Variants in FAT3 observed in about 807,000 individuals in gnomAD.
FAT3 encodes the protein protocadherin Fat 3.
A neutral mutation model predicts 310.2 loss-of-function variants in FAT3; 95 were observed. That is an observed-to-expected ratio of 0.31 (90% CI 0.26 to 0.36). The LOEUF (loss-of-function observed/expected upper bound fraction) is 0.36. FAT3 is among the 10% of genes least tolerant of loss of function. The probability of loss-of-function intolerance (pLI) is 1.00; values close to 1 mark genes in which losing one functional copy is unlikely to be tolerated. For missense variants in FAT3, 5,408 were observed against 5,715.6 expected (o/e 0.95, Z 1.74); for synonymous variants, 2,314 against 2,192.9 (o/e 1.06, Z -1.54).
intron 20 of FAT3, 128 bp downstream of exon 20, chr11:92,857,476 T>C (rs1312950359): frequency 6.4e-6 from 8 of 1,248,488 alleles, no homozygotes; most frequent in African/African-American, 3.0e-5. Flanking sequence ...TCCTTTAGAA[T>C]GGACCACAGC....
intron 18 of FAT3, among the ~76,000 whole-genome samples, 185 bp from the exon 19 acceptor site, chr11:92,843,749 G>C (rs1948605174): frequency 6.6e-6 from 1 of 152,128 alleles, no homozygotes. Context: ...GTACATATGG[G>C]GATAGAAGGT....
At chr11:92,627,065 A>T (rs1448379007) in intron 3 of FAT3, among the ~76,000 whole-genome samples, 1 of 152,232 alleles carries the variant, frequency 6.6e-6, no homozygotes, top group Admixed American at 6.5e-5. Context: ...CCCATTTATT[A>T]GTTATGAGTA....
intron 2 of FAT3, among the ~76,000 whole-genome samples, chr11:92,514,037 T>C (rs1953395091): frequency 6.6e-6 from 1 of 152,204 alleles, no homozygotes; most frequent in Admixed American, 6.6e-5. Flanking sequence ...AACAGCTTTA[T>C]ATATTTCCCC....
chr11:92,479,535 A>T (rs1406792750), intron 2 of FAT3, among the ~76,000 whole-genome samples: 2 of 152,230 alleles, frequency 1.3e-5, no homozygotes, highest in Non-Finnish European at 2.9e-5. Context: ...TGATAAAATC[A>T]TGCAGGCCTT....
intron 2 of FAT3, among the ~76,000 whole-genome samples, chr11:92,477,938 A>G (rs1310187618): frequency 6.6e-6 from 1 of 152,210 alleles, no homozygotes; most frequent in African/African-American, 2.4e-5. Flanking sequence ...GTTAGAAGTC[A>G]GTAATACTGT....
intron 2 of FAT3, among the ~76,000 whole-genome samples, chr11:92,379,145 C>G (rs1591196635): frequency 1.3e-5 from 2 of 152,268 alleles, no homozygotes; most frequent in East Asian, 3.9e-4. Context: ...TAAAAATATT[C>G]TGTTTTCCTC....
At chr11:92,782,335 C>T (rs1310198885) in intron 7 of FAT3, among the ~76,000 whole-genome samples, 1 of 151,918 alleles carries the variant, frequency 6.6e-6, no homozygotes, top group Non-Finnish European at 1.5e-5. Flanking sequence ...AGGGGTCATG[C>T]TTATAATCCC....
intron 4 of FAT3, among the ~76,000 whole-genome samples, chr11:92,735,900 A>G (rs1232818409): frequency 1.3e-5 from 2 of 152,128 alleles, no homozygotes; most frequent in African/African-American, 2.4e-5. Context: ...ATTTAATTCT[A>G]GTAACATCTC....
chr11:92,271,806 T>G (rs896196161), intron 1 of FAT3, among the ~76,000 whole-genome samples: 3 of 152,200 alleles, frequency 2.0e-5, no homozygotes, highest in Non-Finnish European at 4.4e-5. Context: ...TGCTGCCAGA[T>G]CCCATCAATC....
At chr11:92,859,112 G>A (rs1409250032) in intron 20 of FAT3, 53 bp from the exon 21 acceptor site, 2 of 1,557,192 alleles carry the variant, frequency 1.3e-6, no homozygotes, top group African/African-American at 1.4e-5. Context: ...ATGTGTCTCT[G>A]TTCCTTTCTG....
intron 20 of FAT3, among the ~76,000 whole-genome samples, chr11:92,857,820 A>G (rs1180383489): frequency 6.6e-6 from 1 of 152,078 alleles, no homozygotes; most frequent in Non-Finnish European, 1.5e-5. Context: ...CAGACTCCCT[A>G]CTGGAAATGT....
At chr11:92,266,848 G>T (rs1354606246) in intron 1 of FAT3, among the ~76,000 whole-genome samples, 2 of 152,246 alleles carry the variant, frequency 1.3e-5, no homozygotes, top group East Asian at 3.9e-4. Context: ...GATTTCACCT[G>T]ATGATCTTCA....
chr11:92,601,869 C>T (rs144740625), intron 3 of FAT3, among the ~76,000 whole-genome samples: 2 of 152,182 alleles, frequency 1.3e-5, no homozygotes, highest in African/African-American at 4.8e-5. Context: ...AGCAGTGCAG[C>T]CAGGTCCTGA....
chr11:92,814,311 C>A (rs929748930), intron 13 of FAT3, among the ~76,000 whole-genome samples: 11 of 152,164 alleles, frequency 7.2e-5, no homozygotes, highest in African/African-American at 2.4e-4. Context: ...ACCTTCATAT[C>A]CTGATTTAAG....
chr11:92,613,578 T>C (rs1199669938), intron 3 of FAT3, among the ~76,000 whole-genome samples: 1 of 152,154 alleles, frequency 6.6e-6, no homozygotes, highest in Non-Finnish European at 1.5e-5. Context: ...ACCAACTCTC[T>C]TCTCTCTTTA....
chr11:92,742,631 G>A (rs1270224741), intron 4 of FAT3, among the ~76,000 whole-genome samples: 1 of 152,190 alleles, frequency 6.6e-6, no homozygotes, highest in Non-Finnish European at 1.5e-5. Context: ...GGATAAAAAG[G>A]ATAAGCTATG....
At chr11:92,672,806 T>G (rs1245422265) in intron 3 of FAT3, among the ~76,000 whole-genome samples, 3 of 152,140 alleles carry the variant, frequency 2.0e-5, no homozygotes, top group Non-Finnish European at 4.4e-5. Flanking sequence ...AGGAGTAGAT[T>G]TTCTTTTGTT....
At position 92,652,071 on chromosome 11, in the gene FAT3, A is replaced by G. The variant is rs535633927; in HGVS notation, c.3608-45313A>G. Among the ~76,000 whole-genome samples the G allele has an allele frequency of 1.1e-4, 17 of 152,228 alleles. 2 individuals carry two copies. In the South Asian group the frequency reaches 3.3e-3, roughly 30 times the overall value. ...TGTGGAACACATAGATTCACTTGCA[A>G]TCATCTCAGCAACCCCAGGAAGGAG... On this transcript the variant is annotated intron_variant, in intron 3 of 27. Transcript: ENST00000525166.
Position 92,890,797 on chromosome 11 carries a change from G to C in FAT3, c.13454G>C (p.Arg4485Thr). Residue 4485 changes from arginine (R) to threonine (T), a missense_variant, in exon 28 of 28, where the codon AGG (arginine) becomes ACG (threonine). Physicochemically the swap from Arg to Thr is moderately conservative, Grantham distance 71. This residue lies in a region of FAT3 where 649 missense variants were observed against 666.2 expected (regional missense o/e 0.97). Transcript: ENST00000525166. ...ASTLSPDCRR[R>T]PQFHPSQYLP... ...ACACTGAGCCCAGACTGCAGGAGAAGGCCCCAGTTTCATCCTAGCCAGTAT... is the reference window on the plus strand; with the variant it reads ...ACACTGAGCCCAGACTGCAGGAGAACGCCCCAGTTTCATCCTAGCCAGTAT... The C allele has an allele frequency of 1.2e-6, 2 of 1,613,870 alleles. No individual in the cohort carries two copies. The highest frequency in any genetic ancestry group is 1.7e-6 in the Non-Finnish European group (2 of 1,179,878).
Sources: allele counts gnomAD v4.1 joint callset (sites outside exome capture counted in the v4.1 genomes callset), GRCh38; gene constraint gnomAD v4.1.1; regional missense constraint gnomAD v4.1.1; transcripts MANE v1.5; gene names NCBI Gene and HGNC (gene_info 2026-07-23, HGNC 2026-07-21).